The following GALNT17 variants were observed in gnomAD, a reference collection of about 807,000 sequenced individuals.
GALNT17 encodes the protein polypeptide N-acetylgalactosaminyltransferase 17.
In GALNT17, 29 loss-of-function variants were observed where a neutral mutation model predicts 63.7. The observed-to-expected ratio is 0.46, with a 90% confidence interval of 0.34 to 0.62. GALNT17 has a LOEUF of 0.62. Among genes scored for constraint, GALNT17 ranks in the 20% least tolerant of loss-of-function variants. The pLI is 0.01. For synonymous variants in GALNT17, 305 were observed against 318.3 expected, an observed-to-expected ratio of 0.96 and a Z score of 0.45; for missense variants, 603 against 799.6, an observed-to-expected ratio of 0.75 and a Z score of 2.97.
At chr7:71,570,116 G>C (rs1462144599) in intron 5 of GALNT17, among the ~76,000 whole-genome samples, 6 of 151,388 alleles carry the variant, frequency 4.0e-5, no homozygotes, top group Non-Finnish European at 7.4e-5. Flanking sequence ...GGCCTCACAT[G>C]GTTCTTGTCT....
chr7:71,223,582 G>T (rs553562485), intron 1 of GALNT17, among the ~76,000 whole-genome samples: 1 of 151,922 alleles, frequency 6.6e-6, no homozygotes, highest in Non-Finnish European at 1.5e-5. Flanking sequence ...AGGTTCAGGG[G>T]TACATGTGAA....
chr7:71,218,550 A>G (rs536148138), intron 1 of GALNT17, among the ~76,000 whole-genome samples: 1 of 152,256 alleles, frequency 6.6e-6, no homozygotes, highest in South Asian at 2.1e-4. Context: ...GTAGTGACAC[A>G]GGGGTCCCCA....
chr7:71,291,827 T>G (rs1350390507), intron 1 of GALNT17, among the ~76,000 whole-genome samples: 1 of 152,228 alleles, frequency 6.6e-6, no homozygotes, highest in Non-Finnish European at 1.5e-5. Context: ...ATTTATCTTT[T>G]CGATTGTTTT....
intron 5 of GALNT17, among the ~76,000 whole-genome samples, chr7:71,529,993 A>G (rs1344523411): frequency 6.6e-6 from 1 of 152,218 alleles, no homozygotes; most frequent in Non-Finnish European, 1.5e-5. Context: ...ATGATAATCA[A>G]AGTGGAAGCA....
intron 1 of GALNT17, chr7:71,300,961 A>G (rs1052807691): frequency 2.6e-5 from 4 of 152,814 alleles, no homozygotes; most frequent in Admixed American, 2.6e-4. Context: ...AGCTATTTGT[A>G]AAATGAACAG....
intron 2 of GALNT17, among the ~76,000 whole-genome samples, chr7:71,349,853 T>G (rs1314554179): frequency 1.3e-5 from 2 of 152,226 alleles, no homozygotes; most frequent in Non-Finnish European, 2.9e-5. Flanking sequence ...TTTCACAATC[T>G]TATTCATAAA....
intron 1 of GALNT17, among the ~76,000 whole-genome samples, chr7:71,135,301 TG>T (rs1166497223): frequency 1.3e-5 from 2 of 152,234 alleles, no homozygotes; most frequent in African/African-American, 2.4e-5. Context: ...ATTATCTCAC[TG>T]TATGTTCACA....
At chr7:71,388,477 C>T (rs1479373710) in intron 3 of GALNT17, 76 bp downstream of exon 3, 51 of 1,531,722 alleles carry the variant, frequency 3.3e-5, no homozygotes, top group Non-Finnish European at 4.1e-5. Flanking sequence ...AACGCGAGCC[C>T]GAGCATCTGT....
At chr7:71,545,455 G>A (rs1404322302) in intron 5 of GALNT17, among the ~76,000 whole-genome samples, 3 of 152,160 alleles carry the variant, frequency 2.0e-5, no homozygotes, top group Non-Finnish European at 2.9e-5. Flanking sequence ...GGATTCAAGT[G>A]ATTCTCATGC....
At chr7:71,356,458 G>A (rs1271747386) in intron 2 of GALNT17, among the ~76,000 whole-genome samples, 1 of 152,164 alleles carries the variant, frequency 6.6e-6, no homozygotes, top group Non-Finnish European at 1.5e-5. Context: ...CATTTGCTGA[G>A]GTTCTGTCAA....
Position 71,638,491 on chromosome 7 carries a change from G to T in GALNT17, c.1081-26920G>T, listed in dbSNP as rs111362123. ...AAAAGAGGCTGTCCCTCCCCTGGAA[G>T]GTTAGGAAAGGGCTTCTGGAAGAGG... On this transcript the variant is annotated intron_variant, in intron 6 of 10. Transcript: ENST00000333538. Among the ~76,000 whole-genome samples the T allele has an allele frequency of 6.5e-3, 986 of 152,314 alleles. 9 individuals carry two copies. Among genetic ancestry groups the T allele is most frequent in the African/African-American group, 0.022 (898 of 41,576 alleles).
chr7:71,148,226 G>A (rs1788061085), intron 1 of GALNT17, among the ~76,000 whole-genome samples: 1 of 152,192 alleles, frequency 6.6e-6, no homozygotes, highest in Non-Finnish European at 1.5e-5. Context: ...AGCTAGCACT[G>A]TTTTGGCATC....
chr7:71,380,850 G>A lies in GALNT17; in HGVS notation c.423-7385G>A, dbSNP rs970573646. The stretch of plus-strand genomic sequence containing the variant: ...GTAGGTAAGCTTGCAGGAGGGAAGT[G>A]CTTCTCCCATTTCCAGTGTGCAGGA... On this transcript the variant is annotated intron_variant, in intron 2 of 10. Transcript: ENST00000333538. 1.3e-4 allele frequency among the ~76,000 whole-genome samples: 20 copies of A among 152,184 alleles called. No homozygotes were observed. In the East Asian group the frequency reaches 2.5e-3, roughly 19 times the overall value.
At chr7:71,503,939 C>CA (rs1243956622) in intron 5 of GALNT17, among the ~76,000 whole-genome samples, 1 of 151,780 alleles carries the variant, frequency 6.6e-6, no homozygotes, top group Non-Finnish European at 1.5e-5. Context: ...ACTAAAAATA[C>CA]AAAAAATGGC....
chr7:71,545,097 A>G (rs1788960689), intron 5 of GALNT17, among the ~76,000 whole-genome samples: 1 of 152,058 alleles, frequency 6.6e-6, no homozygotes. Flanking sequence ...TATCGTTTTC[A>G]TATTTTCCAT....
At chr7:71,653,149 G>T (rs1451956882) in intron 6 of GALNT17, among the ~76,000 whole-genome samples, 1 of 152,050 alleles carries the variant, frequency 6.6e-6, no homozygotes. Flanking sequence ...CCAAGTAGCT[G>T]GGACTACAGG....
chr7:71,512,696 GC>G (rs1186022476), intron 5 of GALNT17, among the ~76,000 whole-genome samples: 3 of 152,154 alleles, frequency 2.0e-5, no homozygotes, highest in African/African-American at 7.2e-5. Context: ...CTTTGGCTGT[GC>G]CCCAGTTATT....
At chr7:71,641,198 A>G (rs948524228) in intron 6 of GALNT17, among the ~76,000 whole-genome samples, 1 of 152,170 alleles carries the variant, frequency 6.6e-6, no homozygotes, top group African/African-American at 2.4e-5. Flanking sequence ...TCATAGAAAA[A>G]CAAAGTCTTC....
intron 2 of GALNT17, among the ~76,000 whole-genome samples, chr7:71,341,814 T>C (rs1404783094): frequency 2.0e-5 from 3 of 151,748 alleles, no homozygotes; most frequent in Non-Finnish European, 4.4e-5. Flanking sequence ...AACAAAGGAG[T>C]CAAGTGAGGA....
Sources: gnomAD v4.1 joint callset for allele counts (sites outside exome capture counted in the v4.1 genomes callset) on GRCh38, gnomAD v4.1.1 for gene constraint, MANE v1.5 for transcripts, NCBI Gene and HGNC (gene_info 2026-07-23, HGNC 2026-07-21) for gene names.